The following DMD variants were observed in gnomAD, a reference collection of about 807,000 sequenced individuals.
The protein encoded by DMD is dystrophin, also known as mutant dystrophin.
In DMD, 63 loss-of-function variants were observed where a neutral mutation model predicts 330.1. The ratio of observed to expected loss-of-function variants is 0.19; its 90% confidence interval spans 0.16 to 0.24. The LOEUF (loss-of-function observed/expected upper bound fraction) is 0.24, where lower values mean the gene tolerates loss of function less well. Among genes scored for constraint, DMD ranks in the 10% least tolerant of loss-of-function variants. The pLI is 1.00. For synonymous variants in DMD, 1,223 were observed against 959.8 expected (o/e 1.27, Z -5.07); for missense variants, 3,344 against 2,684.1 (o/e 1.25, Z -5.43).
At chrX:31,141,215 A>T (rs899176222) in intron 76 of DMD, among the ~76,000 whole-genome samples, 3 of 111,381 alleles carry the variant, frequency 2.7e-5, no homozygotes, top group Non-Finnish European at 5.7e-5. Context: ...AACAACAACA[A>T]CAACAACAAC....
intron 1 of DMD, among the ~76,000 whole-genome samples, chrX:33,094,252 C>G (rs1171994701): frequency 9.0e-6 from 1 of 111,585 alleles, no homozygotes; most frequent in Middle Eastern, 4.2e-3. Flanking sequence ...TTATGCTACT[C>G]TATGCCAGGC....
At chrX:31,176,406 A>AT (rs1410572926) in intron 71 of DMD, among the ~76,000 whole-genome samples, 3 of 111,524 alleles carry the variant, frequency 2.7e-5, no homozygotes, top group East Asian at 2.8e-4. Context: ...GATTGTCATA[A>AT]TGTTTTTCTC....
At chrX:32,027,223 G>GGAGA (rs768325497) in intron 44 of DMD, among the ~76,000 whole-genome samples, 7 of 105,951 alleles carry the variant, frequency 6.6e-5, no homozygotes, top group African/African-American at 2.1e-4. Context: ...GGAAGGCTGG[G>GGAGA]GAGAGAGAGA....
Position 31,857,380 on chromosome X carries a change from GAA to G in DMD, c.7098+17806_7098+17807del, listed in dbSNP as rs57685055. On this transcript the variant is annotated intron_variant, in intron 48 of 78. Transcript: ENST00000357033. ...GGTGATGGAGCAAGACTCCACCTCG[GAA>G]AAAAAAAAAAAAAAAAAAAAAAAAA... Among the ~76,000 whole-genome samples, 127 of 36,766 alleles carry G rather than the reference GAA, an allele frequency of 3.5e-3. 1 individual carries two copies. Among genetic ancestry groups the G allele is most frequent in the African/African-American group, 0.014 (124 of 8,640 alleles). The allele number at this position is 36,766 out of a possible 115,157, so 31.9% of individuals were successfully genotyped here.
At chrX:31,214,937 C>CTTTTTTTTTTTT (rs761569710) in intron 64 of DMD, among the ~76,000 whole-genome samples, 16 of 38,098 alleles carry the variant, frequency 4.2e-4, no homozygotes, top group East Asian at 1.0e-3. Flanking sequence ...TTTCTTTTTT[C>CTTTTTTTTTTTT]TTTTTTTTTT....
chrX:32,784,381 TG>T (rs1167181317), intron 7 of DMD, among the ~76,000 whole-genome samples: 1 of 111,729 alleles, frequency 9.0e-6, no homozygotes, highest in African/African-American at 3.2e-5. Flanking sequence ...CTAAGGATGG[TG>T]GGGGGACACC....
chrX:32,334,653 G>A (rs143469851), intron 41 of DMD, among the ~76,000 whole-genome samples: 2,469 of 110,899 alleles, frequency 0.022, 71 homozygotes, highest in African/African-American at 0.076. Flanking sequence ...ATAATGATAC[G>A]GTGATGTTCT....
At chrX:31,851,240 C>G (rs1443310188) in intron 48 of DMD, among the ~76,000 whole-genome samples, 1 of 111,133 alleles carries the variant, frequency 9.0e-6, no homozygotes, top group Non-Finnish European at 1.9e-5. Context: ...GACAGGTTCT[C>G]TCTTCCCATT....
rs111927240 is a variant in DMD at position 33,174,171 on chromosome X, A to C, written c.31+37111T>G. Among the ~76,000 whole-genome samples, 3,079 of 110,155 alleles carry C rather than the reference A, an allele frequency of 0.028. 128 individuals are homozygous for C. Among genetic ancestry groups the C allele is most frequent in the African/African-American group, 0.096 (2,916 of 30,246 alleles). On this transcript the variant is annotated intron_variant, in intron 1 of 78. Transcript: ENST00000357033. ...GAACAAAAGACATTTCACACTTCTCAAAGAGATTACTACCTGTTTTGAGGA... is the reference window on the plus strand; with the variant it reads ...GAACAAAAGACATTTCACACTTCTCCAAGAGATTACTACCTGTTTTGAGGA...
intron 28 of DMD, among the ~76,000 whole-genome samples, chrX:32,440,845 T>C (rs1037568355): frequency 9.0e-6 from 1 of 111,546 alleles, no homozygotes; most frequent in Non-Finnish European, 1.9e-5. Flanking sequence ...TTTCATATTA[T>C]CATCCCGATT....
At chrX:32,656,460 T>G (rs1173603424) in intron 9 of DMD, among the ~76,000 whole-genome samples, 2 of 112,228 alleles carry the variant, frequency 1.8e-5, no homozygotes, top group Non-Finnish European at 3.8e-5. Context: ...CATCCATCCT[T>G]GTGTTTTTGT....
At chrX:31,812,626 C>T (rs1158448311) in intron 50 of DMD, among the ~76,000 whole-genome samples, 1 of 110,564 alleles carries the variant, frequency 9.0e-6, no homozygotes, top group African/African-American at 3.3e-5. Context: ...GTATAAATAA[C>T]CTTATATGTG....
chrX:32,732,208 G>C (rs751348600), intron 7 of DMD, among the ~76,000 whole-genome samples: 1 of 110,970 alleles, frequency 9.0e-6, no homozygotes. Flanking sequence ...GGGAAGTTTA[G>C]AGGAAAAAGA....
chrX:31,217,557 G>C (rs1339881400), intron 64 of DMD, among the ~76,000 whole-genome samples: 1 of 112,230 alleles, frequency 8.9e-6, no homozygotes, highest in East Asian at 2.8e-4. Flanking sequence ...CTTAAAGTTA[G>C]AGTTGGTAGA....
intron 60 of DMD, among the ~76,000 whole-genome samples, chrX:31,377,429 T>C (rs914256575): frequency 4.5e-5 from 5 of 112,082 alleles, no homozygotes; most frequent in African/African-American, 1.6e-4. Context: ...CTAGCAGAAA[T>C]GTGGAAGAAC....
chrX:32,603,114 C>T (rs1010647074), intron 12 of DMD, among the ~76,000 whole-genome samples: 4 of 110,705 alleles, frequency 3.6e-5, no homozygotes. Context: ...ATGTGCTAGG[C>T]CACAAGGTGG....
intron 7 of DMD, among the ~76,000 whole-genome samples, chrX:32,780,561 C>T (rs1296987925): frequency 9.4e-6 from 1 of 106,509 alleles, no homozygotes; most frequent in Non-Finnish European, 1.9e-5. Flanking sequence ...GGCCTTTCTT[C>T]AGCTTAGACA....
Position 32,664,309 on chromosome X carries a change from T to C in DMD, c.961-19157A>G, listed in dbSNP as rs1327181768. Among the ~76,000 whole-genome samples, 3 of 101,855 alleles carry C rather than the reference T, an allele frequency of 2.9e-5. No homozygotes were observed. In the Admixed American group the frequency reaches 3.3e-4, roughly 11 times the overall value. 88.4% of individuals were successfully genotyped at this position (101,855 alleles called of 115,157 possible). A position where few individuals can be genotyped will look rare whatever the true frequency, so the allele number is the denominator to read the frequency against. On this transcript the variant is annotated intron_variant, in intron 9 of 78. Coordinates refer to ENST00000357033, the MANE Select transcript of DMD (RefSeq NM_004006.3). ...CAGGCTGGAGTGCAGTAGCGCGATA[T>C]CCGCTCACTACAAGCTCCGCCTCCC...
At chrX:31,306,680 A>G (rs1197803069) in intron 62 of DMD, among the ~76,000 whole-genome samples, 2 of 112,153 alleles carry the variant, frequency 1.8e-5, no homozygotes, top group Non-Finnish European at 3.8e-5. Flanking sequence ...CTACGTATAA[A>G]TTAAACAGAA....
Sources: gnomAD v4.1 joint callset for allele counts (sites outside exome capture counted in the v4.1 genomes callset) on GRCh38, gnomAD v4.1.1 for gene constraint, MANE v1.5 for transcripts, NCBI Gene and HGNC (gene_info 2026-07-23, HGNC 2026-07-21) for gene names.